Variants in CTNNA3 observed in about 807,000 individuals in gnomAD.
The protein encoded by CTNNA3 is catenin alpha-3.
CTNNA3 carries 76 observed loss-of-function variants against 95.7 expected under a neutral mutation model. The observed-to-expected ratio is 0.79, with a 90% CI of 0.66 to 0.96. The LOEUF (loss-of-function observed/expected upper bound fraction) is 0.96. CTNNA3 is among the 40% of genes least tolerant of loss of function. The pLI is 0.00. For synonymous variants in CTNNA3, 431 were observed against 374.4 expected (o/e 1.15, Z -1.74); for missense variants, 1,191 against 1,089.8 (o/e 1.09, Z -1.31).
intron 9 of CTNNA3, among the ~76,000 whole-genome samples, chr10:66,724,441 G>A (rs1383859991): frequency 6.6e-6 from 1 of 152,126 alleles, no homozygotes; most frequent in East Asian, 1.9e-4. Context: ...AGGAACAGCA[G>A]GCTAATCATA....
At chr10:66,040,057 A>G (rs1406867531) in intron 15 of CTNNA3, among the ~76,000 whole-genome samples, 1 of 152,170 alleles carries the variant, frequency 6.6e-6, no homozygotes, top group Non-Finnish European at 1.5e-5. Flanking sequence ...ATATAAAAAT[A>G]GGCAAAGGAC....
At position 66,520,515 on chromosome 10, in the gene CTNNA3, G is replaced by A. The variant is rs1034908127; in HGVS notation, c.1531+102C>T. ...AATCCACCTGCCTCGGCTTCCCAAA[G>A]TGTTGGCATTACAGGCATGAGCCAC... On this transcript the variant is annotated intron_variant, in intron 11 of 17. Coordinates refer to ENST00000433211, the MANE Select transcript of CTNNA3 (RefSeq NM_013266.4). 1.3e-5 allele frequency: 14 copies of A among 1,040,804 alleles called. No individual in the cohort carries two copies. The African/African-American group carries it at 1.5e-4, about 11-fold the overall frequency. The allele number at this position is 1,040,804 out of a possible 1,614,324, so 64.5% of individuals were successfully genotyped here.
At chr10:66,085,830 A>C (rs1188293201) in intron 14 of CTNNA3, among the ~76,000 whole-genome samples, 1 of 136,626 alleles carries the variant, frequency 7.3e-6, no homozygotes, top group Non-Finnish European at 1.6e-5. Context: ...TATGCAATGG[A>C]AGTAATTCAA....
intron 7 of CTNNA3, among the ~76,000 whole-genome samples, chr10:67,178,514 C>A (rs1441220202): frequency 6.6e-6 from 1 of 151,810 alleles, no homozygotes; most frequent in African/African-American, 2.4e-5. Context: ...GTTCCTTTCT[C>A]CTGCTTTTTG....
intron 9 of CTNNA3, among the ~76,000 whole-genome samples, chr10:66,625,106 AAAAC>A (rs1281887744): frequency 3.3e-5 from 5 of 152,202 alleles, no homozygotes; most frequent in African/African-American, 4.8e-5. Flanking sequence ...TAATAATTTA[AAAAC>A]AAACAAGAAG....
At chr10:67,560,338 T>C (rs1473536198) in intron 3 of CTNNA3, among the ~76,000 whole-genome samples, 1 of 151,606 alleles carries the variant, frequency 6.6e-6, no homozygotes, top group African/African-American at 2.4e-5. Flanking sequence ...ATATTCAACA[T>C]TCTTAAAGAA....
At chr10:67,184,398 T>C (rs565227778) in intron 6 of CTNNA3, among the ~76,000 whole-genome samples, 1 of 152,336 alleles carries the variant, frequency 6.6e-6, no homozygotes, top group African/African-American at 2.4e-5. Context: ...AGGATCTTGA[T>C]ATCAATTGTT....
chr10:65,958,282 C>T (rs898816171), intron 17 of CTNNA3, among the ~76,000 whole-genome samples: 3 of 151,744 alleles, frequency 2.0e-5, no homozygotes, highest in East Asian at 1.9e-4. Flanking sequence ...GTTAGCCATT[C>T]GTCAAATTTT....
At chr10:66,152,159 T>A (rs1430587555) in intron 13 of CTNNA3, among the ~76,000 whole-genome samples, 1 of 152,006 alleles carries the variant, frequency 6.6e-6, no homozygotes, top group Non-Finnish European at 1.5e-5. Flanking sequence ...AAAAACATTC[T>A]ACTAAACTTG....
At chr10:67,309,763 A>G (rs1376828525) in intron 5 of CTNNA3, among the ~76,000 whole-genome samples, 1 of 152,194 alleles carries the variant, frequency 6.6e-6, no homozygotes, top group African/African-American at 2.4e-5. Flanking sequence ...TATTTCAGAA[A>G]TCCCAAATAG....
chr10:67,022,312 G>T (rs1853068613), intron 7 of CTNNA3, among the ~76,000 whole-genome samples: 1 of 152,002 alleles, frequency 6.6e-6, no homozygotes, highest in Non-Finnish European at 1.5e-5. Context: ...CTGAGAAAAA[G>T]CTTTTTGTAC....
intron 7 of CTNNA3, among the ~76,000 whole-genome samples, chr10:66,938,525 C>T (rs1328965320): frequency 6.6e-6 from 1 of 152,050 alleles, no homozygotes; most frequent in African/African-American, 2.4e-5. Flanking sequence ...TAAAGGTCTT[C>T]ATTCTTGGCA....
chr10:66,856,516 T>G (rs1004482657), intron 7 of CTNNA3, among the ~76,000 whole-genome samples: 3 of 152,016 alleles, frequency 2.0e-5, no homozygotes, highest in African/African-American at 7.2e-5. Flanking sequence ...TCAACTAAAT[T>G]CTCATCAGCA....
intron 4 of CTNNA3, among the ~76,000 whole-genome samples, chr10:67,531,994 C>T (rs1280573873): frequency 6.6e-6 from 1 of 152,036 alleles, no homozygotes; most frequent in East Asian, 1.9e-4. Flanking sequence ...TCCTCCTTGC[C>T]TTCTGCCATG....
chr10:65,965,747 C>A (rs1184131963), intron 17 of CTNNA3, among the ~76,000 whole-genome samples: 1 of 151,888 alleles, frequency 6.6e-6, no homozygotes, highest in African/African-American at 2.4e-5. Flanking sequence ...GTAATTACAT[C>A]CTCTTTCAGA....
intron 10 of CTNNA3, among the ~76,000 whole-genome samples, chr10:66,580,767 G>A (rs1280560620): frequency 6.6e-6 from 1 of 151,782 alleles, no homozygotes; most frequent in East Asian, 1.9e-4. Flanking sequence ...ACTGCCTGGT[G>A]AGGGTAATCT....
rs957420211 is a variant in CTNNA3 at position 65,915,388 on chromosome 10, A to C, written c.*4942T>G. 6.6e-6 allele frequency: 1 copy of C among 151,862 alleles called. No individual in the cohort carries two copies. The allele number at this position is 151,862 out of a possible 1,614,324, so 9.4% of individuals were successfully genotyped here. A position where few individuals can be genotyped will look rare whatever the true frequency, so the allele number is the denominator to read the frequency against. On this transcript the variant is annotated 3_prime_UTR_variant, in exon 18 of 18. Coordinates refer to ENST00000433211, the MANE Select transcript of CTNNA3 (RefSeq NM_013266.4). ...GCTGCCTAATCTTCATAAAACCAAA[A>C]AACTCTCCCCTCATCTATGAAAGCT...
At chr10:67,760,460 G>GA (rs1012761277) in intron 1 of CTNNA3, among the ~76,000 whole-genome samples, 5 of 152,110 alleles carry the variant, frequency 3.3e-5, no homozygotes, top group African/African-American at 1.2e-4. Context: ...GATATGTTCT[G>GA]AAAAATCCAT....
intron 5 of CTNNA3, among the ~76,000 whole-genome samples, chr10:67,391,050 G>A (rs1008039799): frequency 1.3e-5 from 2 of 151,562 alleles, no homozygotes; most frequent in African/African-American, 4.8e-5. Context: ...TGGAAGTTCT[G>A]GCCAGGGCAA....
Sources: allele counts gnomAD v4.1 joint callset (sites outside exome capture counted in the v4.1 genomes callset), GRCh38; gene constraint gnomAD v4.1.1; transcripts MANE v1.5; gene names NCBI Gene and HGNC (gene_info 2026-07-23, HGNC 2026-07-21).